The following MYZAP variants were observed in gnomAD, a reference collection of about 807,000 sequenced individuals.
The protein encoded by MYZAP is GRINL1A complex locus upstream.
Under a neutral mutation model 69.4 loss-of-function variants are expected in MYZAP, and 66 were observed. That is an observed-to-expected ratio of 0.95 (90% CI 0.78 to 1.17). MYZAP has a LOEUF of 1.17. MYZAP is among the 50% of genes most tolerant of loss of function. The pLI is 0.00. For synonymous variants in MYZAP, 256 were observed against 205.9 expected (o/e 1.24, Z -2.09); for missense variants, 611 against 556.2 (o/e 1.10, Z -0.99).
intron 10 of MYZAP, among the ~76,000 whole-genome samples, chr15:57,644,257 G>T (rs1266794405): frequency 6.6e-6 from 1 of 152,148 alleles, no homozygotes; most frequent in African/African-American, 2.4e-5. Context: ...CCTGAGGTGG[G>T]AAGCTGCTGG....
chr15:57,595,848 C>G (rs1371141929), intron 1 of MYZAP, among the ~76,000 whole-genome samples: 2 of 152,172 alleles, frequency 1.3e-5, no homozygotes, highest in African/African-American at 2.4e-5. Flanking sequence ...CAAAGGCTTC[C>G]TCTGTTAAAC....
At position 57,612,840 on chromosome 15, in the gene MYZAP, T is replaced by C. The variant is rs138197903; in HGVS notation, c.163-5193T>C. ...CACAGGAAACAGCTTAATCCAGAGA[T>C]TCTGCGTATGTGTTGGGAGTATGGA... On this transcript the variant is annotated intron_variant, in intron 2 of 12. Transcript: ENST00000267853. Among the ~76,000 whole-genome samples the C allele has an allele frequency of 2.6e-4, 39 of 152,362 alleles. No homozygotes were observed. In the East Asian group the frequency reaches 6.7e-3, roughly 26 times the overall value.
rs1364556627 is a variant in MYZAP at position 57,633,707 on chromosome 15, G to A, written c.899G>A (p.Gly300Glu). The change falls in exon 8 of 13, where the codon GGG becomes GAG. Residue 300 changes from glycine to glutamate, a missense_variant. Physicochemically the swap from Gly to Glu is moderately conservative, Grantham distance 98. Coordinates refer to ENST00000267853, the MANE Select transcript of MYZAP (RefSeq NM_001018100.5). Reference protein sequence around the residue: ...ISLEEKDQRIGELDRLIERME... With the variant: ...ISLEEKDQRIEELDRLIERME... ...CTAGAGGAGAAAGACCAGAGGATCG[G>A]GGAGCTGGACAGGCTGATTGAGCGC... The A allele has an allele frequency of 1.9e-6, 3 of 1,612,554 alleles. No homozygotes were observed. The highest frequency in any genetic ancestry group is 4.5e-5 in the East Asian group (2 of 44,780).
At chr15:57,664,304 T>C (rs891700899) in intron 11 of MYZAP, among the ~76,000 whole-genome samples, 3 of 152,210 alleles carry the variant, frequency 2.0e-5, no homozygotes, top group African/African-American at 7.2e-5. Context: ...CAGGACTCCT[T>C]ATCACTGTCT....
At chr15:57,632,881 C>T (rs1472593613) in intron 7 of MYZAP, among the ~76,000 whole-genome samples, 1 of 152,184 alleles carries the variant, frequency 6.6e-6, no homozygotes, top group African/African-American at 2.4e-5. Flanking sequence ...CCATTTGGTT[C>T]TCTCTACCTG....
chr15:57,668,651 G>A (rs1365441418), intron 11 of MYZAP, among the ~76,000 whole-genome samples: 1 of 152,044 alleles, frequency 6.6e-6, no homozygotes, highest in Admixed American at 6.6e-5. Context: ...TTCTTTTCGA[G>A]AATCTTTTCA....
Position 57,629,735 on chromosome 15 carries a change from A to G in MYZAP, c.559A>G (p.Asn187Asp), listed in dbSNP as rs1288620660. Reference sequence around the variant, plus strand: ...CGTGGATGTGACTTTGGAAAACAGCAACATTAAGGATCAAATCAGAAATCT... The same window carrying G: ...CGTGGATGTGACTTTGGAAAACAGCGACATTAAGGATCAAATCAGAAATCT... ...TLVDVTLENS[N>D]IKDQIRNLQQ... The change falls in exon 6 of 13, where the codon AAC (asparagine) becomes GAC (aspartate). Residue 187 changes from asparagine (N) to aspartate (D), a missense_variant. Physicochemically the swap from Asn to Asp is conservative, Grantham distance 23. Coordinates refer to ENST00000267853, the MANE Select transcript of MYZAP (RefSeq NM_001018100.5). The G allele has an allele frequency of 6.2e-7, 1 of 1,611,410 alleles. No individual in the cohort carries two copies. The highest frequency in any genetic ancestry group is 8.5e-7 in the Non-Finnish European group (1 of 1,179,424).
At chr15:57,598,109 A>AT (rs1252504050) in intron 1 of MYZAP, among the ~76,000 whole-genome samples, 1 of 152,068 alleles carries the variant, frequency 6.6e-6, no homozygotes, top group African/African-American at 2.4e-5. Context: ...TGAGATAGAT[A>AT]TTTTTCCCCT....
At chr15:57,674,026 T>C (rs2038999928) in intron 11 of MYZAP, among the ~76,000 whole-genome samples, 1 of 152,254 alleles carries the variant, frequency 6.6e-6, no homozygotes, top group Non-Finnish European at 1.5e-5. Context: ...ATATGATCAC[T>C]GCTTCATGAA....
intron 4 of MYZAP, among the ~76,000 whole-genome samples, chr15:57,624,803 A>C (rs1336879563): frequency 6.6e-6 from 1 of 152,148 alleles, no homozygotes; most frequent in African/African-American, 2.4e-5. Context: ...CTGAACACAA[A>C]GCTGCCACAT....
In MYZAP at chr15:57,647,507, ATAAT is replaced by A. The variant is rs1433467474; in HGVS notation, c.1119+7966_1119+7969del. 4.1e-6 allele frequency: 4 copies of A among 985,466 alleles called. No individual in the cohort carries two copies. In the East Asian group the frequency reaches 3.4e-4, roughly 84 times the overall value. 61.0% of individuals were successfully genotyped at this position (985,466 alleles called of 1,614,324 possible). A position where few individuals can be genotyped will look rare whatever the true frequency, so the allele number is the denominator to read the frequency against. Reference sequence around the variant, plus strand: ...TCATTGCCAAGTTTTAAAAAAGGAAATAATTAAGAGAATGCAATGACCTTTAGAG... The same window carrying A: ...TCATTGCCAAGTTTTAAAAAAGGAAATAAGAGAATGCAATGACCTTTAGAG... On this transcript the variant is annotated intron_variant, in intron 10 of 12. Coordinates refer to ENST00000267853, the MANE Select transcript of MYZAP (RefSeq NM_001018100.5).
chr15:57,641,046 G>A (rs2037123499), intron 10 of MYZAP, among the ~76,000 whole-genome samples: 1 of 152,200 alleles, frequency 6.6e-6, no homozygotes, highest in Non-Finnish European at 1.5e-5. Context: ...CACGCACGAA[G>A]TCTGGGGCAA....
chr15:57,592,261 C>T, intron 1 of MYZAP, 152 bp downstream of exon 1: 1 of 667,308 alleles, frequency 1.5e-6, no homozygotes, highest in South Asian at 7.1e-5. Context: ...CCGGCTCTGG[C>T]AGTGACCCTC....
chr15:57,613,973 C>G (rs993788976), intron 2 of MYZAP, among the ~76,000 whole-genome samples: 4 of 152,204 alleles, frequency 2.6e-5, no homozygotes, highest in African/African-American at 9.6e-5. Context: ...CCACAAACAT[C>G]TTGCTCAACA....
intron 2 of MYZAP, among the ~76,000 whole-genome samples, chr15:57,604,704 AG>A (rs1386770157): frequency 2.6e-5 from 4 of 152,316 alleles, no homozygotes; most frequent in African/African-American, 9.6e-5. Flanking sequence ...TATTGTGAGC[AG>A]CTGGCGGGGC....
chr15:57,628,486 C>T (rs2036291781), intron 5 of MYZAP, among the ~76,000 whole-genome samples: 1 of 152,046 alleles, frequency 6.6e-6, no homozygotes. Context: ...ACTCCAGGCT[C>T]AGGTGCTCCT....
At chr15:57,631,671 A>G (rs1262105668) in intron 6 of MYZAP, among the ~76,000 whole-genome samples, 1 of 152,170 alleles carries the variant, frequency 6.6e-6, no homozygotes, top group Non-Finnish European at 1.5e-5. Context: ...TTACCCAGTG[A>G]TGAGAAGGGA....
intron 8 of MYZAP, 73 bp downstream of exon 8, chr15:57,633,814 G>T: frequency 2.9e-6 from 4 of 1,363,408 alleles, no homozygotes; most frequent in Non-Finnish European, 3.8e-6. Context: ...GATACGAGAG[G>T]CCCTGGATAT....
At chr15:57,599,456 T>C in intron 1 of MYZAP, 1 of 1,175,912 alleles carries the variant, frequency 8.5e-7, no homozygotes, top group Non-Finnish European at 1.1e-6. Context: ...GAGTCCAGCT[T>C]CCTGCTTTGA....
Sources: gnomAD v4.1 joint callset for allele counts (sites outside exome capture counted in the v4.1 genomes callset) on GRCh38, gnomAD v4.1.1 for gene constraint, MANE v1.5 for transcripts, NCBI Gene and HGNC (gene_info 2026-07-23, HGNC 2026-07-21) for gene names.